Variants in PLEKHA7 observed in about 807,000 individuals in gnomAD.
PLEKHA7 encodes pleckstrin homology domain containing A7, also known as pleckstrin homology domain-containing family A member 7.
PLEKHA7 carries 104 observed loss-of-function variants against 170.0 expected under a neutral mutation model. That is an observed-to-expected ratio of 0.61 (90% CI 0.52 to 0.72). PLEKHA7 has a LOEUF of 0.72. Among genes scored for constraint, PLEKHA7 ranks in the 30% least tolerant of loss-of-function variants. The pLI is 0.00. For missense variants in PLEKHA7, 1,615 were observed against 1,671.7 expected (o/e 0.97, Z 0.59); for synonymous variants, 648 against 660.8 (o/e 0.98, Z 0.30).
intron 3 of PLEKHA7, among the ~76,000 whole-genome samples, chr11:16,915,179 G>A (rs1858545076): frequency 6.6e-6 from 1 of 152,192 alleles, no homozygotes; most frequent in Non-Finnish European, 1.5e-5. Context: ...TCTGAGACAC[G>A]TTGCCTTCAG....
intron 3 of PLEKHA7, among the ~76,000 whole-genome samples, chr11:16,985,999 G>A (rs114367902): frequency 0.018 from 2,764 of 152,326 alleles, 101 homozygotes; most frequent in African/African-American, 0.063. Flanking sequence ...CCCAGGTAAT[G>A]CCTGAGTCTT....
intron 4 of PLEKHA7, among the ~76,000 whole-genome samples, chr11:16,864,123 G>C (rs1450215831): frequency 6.6e-6 from 1 of 152,156 alleles, no homozygotes; most frequent in Non-Finnish European, 1.5e-5. Flanking sequence ...AAGCAGTATA[G>C]CATAGTGTTT....
intron 3 of PLEKHA7, among the ~76,000 whole-genome samples, chr11:16,963,147 C>T (rs1862169598): frequency 6.6e-6 from 1 of 152,190 alleles, no homozygotes; most frequent in African/African-American, 2.4e-5. Flanking sequence ...GAGGGCCATG[C>T]CACTTCTGTG....
intron 3 of PLEKHA7, among the ~76,000 whole-genome samples, chr11:16,991,351 C>T (rs1172564015): frequency 6.6e-6 from 1 of 152,152 alleles, no homozygotes; most frequent in African/African-American, 2.4e-5. Context: ...AGGCTCGGTT[C>T]CTTGTCTTCA....
intron 3 of PLEKHA7, among the ~76,000 whole-genome samples, chr11:17,004,788 G>A (rs532860328): frequency 3.3e-5 from 5 of 152,130 alleles, no homozygotes; most frequent in African/African-American, 1.2e-4. Context: ...GAGAATGTTC[G>A]TGAAATACTC....
chr11:16,844,734 A>G (rs1394961496), intron 8 of PLEKHA7, among the ~76,000 whole-genome samples: 2 of 152,206 alleles, frequency 1.3e-5, no homozygotes, highest in African/African-American at 4.8e-5. Context: ...TCAGTTCTAG[A>G]CACAGCACTG....
intron 3 of PLEKHA7, among the ~76,000 whole-genome samples, chr11:16,954,429 G>A (rs1174894246): frequency 1.3e-5 from 2 of 151,926 alleles, no homozygotes; most frequent in African/African-American, 4.8e-5. Context: ...AGTTACTCAG[G>A]AGGTTGAGAC....
intron 3 of PLEKHA7, among the ~76,000 whole-genome samples, chr11:16,873,050 G>A (rs1854993059): frequency 1.3e-5 from 2 of 152,010 alleles, no homozygotes; most frequent in South Asian, 4.1e-4. Flanking sequence ...TTGGGTTAAA[G>A]TCTCAAAGGT....
intron 3 of PLEKHA7, among the ~76,000 whole-genome samples, chr11:16,888,912 A>AG (rs1343466601): frequency 3.6e-5 from 5 of 139,242 alleles, no homozygotes; most frequent in Admixed American, 7.2e-5. Flanking sequence ...AGATAAAAAA[A>AG]AAAAAGAAAC....
Position 16,791,457 on chromosome 11 carries a change from C to T in PLEKHA7, c.2746-258G>A, listed in dbSNP as rs1379888537. The T allele has an allele frequency of 3.3e-6, 2 of 614,170 alleles. No homozygotes were observed. 38.0% of individuals were successfully genotyped at this position (614,170 alleles called of 1,614,324 possible). On this transcript the variant is annotated intron_variant, in intron 19 of 26. Coordinates refer to ENST00000531066, the MANE Select transcript of PLEKHA7 (RefSeq NM_001329630.2). The surrounding 1 kb of genome is among the most constrained non-coding windows in gnomAD (Gnocchi z 4.5). ...ACCTGTATAACTGTGTCCTGAAACC[C>T]AGGACTCAGGTCTCCTGGGTCCATG...
intron 9 of PLEKHA7, among the ~76,000 whole-genome samples, chr11:16,834,710 C>T (rs1851372667): frequency 6.6e-6 from 1 of 152,130 alleles, no homozygotes; most frequent in Non-Finnish European, 1.5e-5. Context: ...CATCCTTAGA[C>T]AAGACAGAAA....
At chr11:16,888,921 A>G (rs1856403266) in intron 3 of PLEKHA7, among the ~76,000 whole-genome samples, 1 of 145,548 alleles carries the variant, frequency 6.9e-6, no homozygotes, top group South Asian at 2.2e-4. Flanking sequence ...AAAAAAAGAA[A>G]CCCTGTCTCT....
chr11:16,803,406 T>C, intron 13 of PLEKHA7, 111 bp from the exon 14 acceptor site: 1 of 1,111,900 alleles, frequency 9.0e-7, no homozygotes, highest in Non-Finnish European at 1.3e-6. Flanking sequence ...CAGTGGCAGG[T>C]AGGGTCATAG....
chr11:16,810,350 C>A (rs545338655), intron 13 of PLEKHA7, among the ~76,000 whole-genome samples: 52 of 152,314 alleles, frequency 3.4e-4, no homozygotes, highest in African/African-American at 1.2e-3. Flanking sequence ...CAGGGCAGAG[C>A]AGGCCTACTG....
At chr11:16,874,426 GA>G (rs1855121494) in intron 3 of PLEKHA7, among the ~76,000 whole-genome samples, 1 of 151,784 alleles carries the variant, frequency 6.6e-6, no homozygotes, top group South Asian at 2.1e-4. Context: ...AGGATCACCC[GA>G]GCCCAGGAGT....
chr11:16,974,878 T>C lies in PLEKHA7; in HGVS notation c.221+39111A>G. ...GGCTTAGTTTGCCCACCATAGCCACTCTGCTTCCTGTCATAACGCCGCTTT... is the reference window on the plus strand; with the variant it reads ...GGCTTAGTTTGCCCACCATAGCCACCCTGCTTCCTGTCATAACGCCGCTTT... On this transcript the variant is annotated intron_variant, in intron 3 of 26. Transcript: ENST00000531066. 3 of 794,660 alleles carry C rather than the reference T, an allele frequency of 3.8e-6. 1 individual carries two copies. The South Asian group carries it at 1.2e-4, about 32-fold the overall frequency. 49.2% of individuals were successfully genotyped at this position (794,660 alleles called of 1,614,324 possible).
At chr11:16,944,349 C>T (rs925839371) in intron 3 of PLEKHA7, among the ~76,000 whole-genome samples, 7 of 144,960 alleles carry the variant, frequency 4.8e-5, no homozygotes, top group Non-Finnish European at 9.1e-5. Flanking sequence ...AGCAAAACTC[C>T]GTCTCCCAAA....
At position 16,822,676 on chromosome 11, in the gene PLEKHA7, G is replaced by A. The variant is rs112514694; in HGVS notation, c.1343+3444C>T. 4.0e-3 allele frequency among the ~76,000 whole-genome samples: 616 copies of A among 152,114 alleles called. 1 individual carries two copies. The highest frequency in any genetic ancestry group is 0.013 in the African/African-American group (545 of 41,462). The stretch of plus-strand genomic sequence containing the variant: ...ATCTCCTTCAGGTGACTTAGCTTTT[G>A]CCTGACCCTTAGGCTAGGGGTCCTC... On this transcript the variant is annotated intron_variant, in intron 10 of 26. Transcript: ENST00000531066.
intron 3 of PLEKHA7, among the ~76,000 whole-genome samples, chr11:16,901,696 C>T (rs964179675): frequency 1.2e-4 from 19 of 152,056 alleles, no homozygotes; most frequent in Admixed American, 1.0e-3. Flanking sequence ...TAGCAAAACC[C>T]CATCTCTACA....
Sources: gnomAD v4.1 joint callset for allele counts (sites outside exome capture counted in the v4.1 genomes callset) on GRCh38, gnomAD v4.1.1 for gene constraint, Gnocchi (gnomAD v3.1) non-coding constraint, MANE v1.5 for transcripts, NCBI Gene and HGNC (gene_info 2026-07-23, HGNC 2026-07-21) for gene names.